The following MAF variants were observed in gnomAD, a reference collection of about 807,000 sequenced individuals.
The protein encoded by MAF is transcription factor Maf.
In MAF, 10 loss-of-function variants were observed where a neutral mutation model predicts 22.0. That is an observed-to-expected ratio of 0.45 (90% CI 0.28 to 0.77). The LOEUF (loss-of-function observed/expected upper bound fraction) is 0.77. MAF is among the 30% of genes least tolerant of loss of function. The pLI, the probability that MAF is intolerant of heterozygous loss-of-function variation, is 0.12. For synonymous variants in MAF, 337 were observed against 255.8 expected, an observed-to-expected ratio of 1.32 and a Z score of -3.03; for missense variants, 544 against 548.4, an observed-to-expected ratio of 0.99 and a Z score of 0.08.
chr16:79,570,419 G>C, the MAF span, among the ~76,000 whole-genome samples: 3 of 152,080 alleles, frequency 2.0e-5, no homozygotes, highest in African/African-American at 7.2e-5. Flanking sequence ...TAGCCCTGGA[G>C]CATCCTATCA....
chr16:79,214,732 A>C, the MAF span, among the ~76,000 whole-genome samples: 1 of 18,378 alleles, frequency 5.4e-5, no homozygotes, highest in Admixed American at 6.9e-4. Flanking sequence ...TTTTTTTTTG[A>C]GACAGAATCT....
the MAF span, among the ~76,000 whole-genome samples, chr16:79,513,099 G>A: frequency 1.7e-4 from 26 of 152,358 alleles, no homozygotes; most frequent in Admixed American, 1.0e-3. Flanking sequence ...ATAAATGCAC[G>A]TGTGCATGTG....
chr16:79,213,930 C>T, the MAF span, among the ~76,000 whole-genome samples: 1 of 152,124 alleles, frequency 6.6e-6, no homozygotes, highest in African/African-American at 2.4e-5. Context: ...TCTCCAGCTA[C>T]CTCTCTAATC....
the MAF span, among the ~76,000 whole-genome samples, chr16:79,278,254 AG>A: frequency 6.6e-6 from 1 of 152,236 alleles, no homozygotes; most frequent in Non-Finnish European, 1.5e-5. Context: ...CAACCGTTCA[AG>A]GGGAAAGTGA....
At chr16:79,496,480 C>A in the MAF span, among the ~76,000 whole-genome samples, 54 of 152,306 alleles carry the variant, frequency 3.5e-4, no homozygotes, top group African/African-American at 1.2e-3. Context: ...TTATTACTCT[C>A]CCTGCATGAC....
At chr16:79,256,597 C>T in the MAF span, among the ~76,000 whole-genome samples, 1 of 152,214 alleles carries the variant, frequency 6.6e-6, no homozygotes, top group African/African-American at 2.4e-5. Context: ...AAGACGTCCC[C>T]AGCATGAGGT....
At chr16:79,453,959 T>A in the MAF span, among the ~76,000 whole-genome samples, 10 of 152,126 alleles carry the variant, frequency 6.6e-5, no homozygotes, top group Non-Finnish European at 1.2e-4. Flanking sequence ...TGGATTATTA[T>A]TAATAATAAT....
intron 1 of MAF, chr16:79,595,654 A>T (rs1008891063): frequency 1.9e-6 from 2 of 1,057,894 alleles, no homozygotes; most frequent in African/African-American, 1.6e-5. Flanking sequence ...TCTTTAAGTC[A>T]GCCCCCATAC....
At chr16:79,408,896 G>C in the MAF span, among the ~76,000 whole-genome samples, 1 of 151,634 alleles carries the variant, frequency 6.6e-6, no homozygotes, top group African/African-American at 2.4e-5. Context: ...ATTAAAAAGA[G>C]TTATAGAAAA....
At chr16:79,471,118 C>A in the MAF span, among the ~76,000 whole-genome samples, 7 of 152,184 alleles carry the variant, frequency 4.6e-5, no homozygotes, top group African/African-American at 1.4e-4. Flanking sequence ...TCCTACCTGG[C>A]CTGCCTTCCT....
chr16:79,244,581 T>C, the MAF span, among the ~76,000 whole-genome samples: 1 of 151,992 alleles, frequency 6.6e-6, no homozygotes, highest in Non-Finnish European at 1.5e-5. Context: ...CACAAACAAA[T>C]GGAAAAATAT....
At chr16:79,386,864 G>C in the MAF span, among the ~76,000 whole-genome samples, 7 of 152,104 alleles carry the variant, frequency 4.6e-5, no homozygotes, top group Admixed American at 4.6e-4. Flanking sequence ...AGCCCAATTT[G>C]GTTGCTATTA....
At chr16:79,475,687 G>A in the MAF span, among the ~76,000 whole-genome samples, 7 of 152,208 alleles carry the variant, frequency 4.6e-5, no homozygotes, top group African/African-American at 1.4e-4. Flanking sequence ...TAAGATTTGT[G>A]CATTTCAATG....
chr16:79,377,569 T>G, the MAF span, among the ~76,000 whole-genome samples: 1 of 152,244 alleles, frequency 6.6e-6, no homozygotes, highest in African/African-American at 2.4e-5. Flanking sequence ...TTGTTGCCGT[T>G]GCTTTTGGTG....
downstream of MAF, among the ~76,000 whole-genome samples, chr16:79,593,519 T>C (rs1913307386): frequency 6.6e-6 from 1 of 152,100 alleles, no homozygotes; most frequent in South Asian, 2.1e-4. Flanking sequence ...GGAGAAAAGA[T>C]CAGAGCGTGA....
the MAF span, among the ~76,000 whole-genome samples, chr16:79,496,087 A>T: frequency 4.3e-3 from 662 of 152,338 alleles, 3 homozygotes; most frequent in African/African-American, 0.015. Context: ...TAGCTAAGCT[A>T]TGCCCAACTT....
chr16:79,572,783 C>T, the MAF span, among the ~76,000 whole-genome samples: 3 of 152,184 alleles, frequency 2.0e-5, no homozygotes, highest in African/African-American at 7.2e-5. Flanking sequence ...CTCCCCAACT[C>T]ACACACATAA....
At chr16:79,211,828 C>T in the MAF span, 167 of 1,613,140 alleles carry the variant, frequency 1.0e-4, no homozygotes, top group Admixed American at 3.0e-4. Flanking sequence ...CACACACACC[C>T]GCCCTGTGTG....
chr16:79,377,006 C>T, the MAF span, among the ~76,000 whole-genome samples: 3 of 152,120 alleles, frequency 2.0e-5, no homozygotes, highest in Non-Finnish European at 4.4e-5. Flanking sequence ...GTCTTTATAG[C>T]AGCATGTTTT....
Sources: gnomAD v4.1 joint callset for allele counts (sites outside exome capture counted in the v4.1 genomes callset) on GRCh38, gnomAD v4.1.1 for gene constraint, MANE v1.5 for transcripts, NCBI Gene and HGNC (gene_info 2026-07-23, HGNC 2026-07-21) for gene names.